SPOCK1: variants seen among roughly 807,000 people sequenced by gnomAD.
SPOCK1 encodes the protein testican-1.
Under a neutral mutation model 55.3 loss-of-function variants are expected in SPOCK1, and 23 were observed. That is an observed-to-expected ratio of 0.42 (90% CI 0.30 to 0.59). The LOEUF (loss-of-function observed/expected upper bound fraction) is 0.59. SPOCK1 is among the 20% of genes least tolerant of loss of function. SPOCK1 has a pLI of 0.22. For synonymous variants in SPOCK1, 226 were observed against 221.0 expected, an observed-to-expected ratio of 1.02 and a Z score of -0.20; for missense variants, 499 against 552.5, an observed-to-expected ratio of 0.90 and a Z score of 0.97.
chr5:137,463,531 G>A (rs1332634263), intron 2 of SPOCK1, among the ~76,000 whole-genome samples: 1 of 151,530 alleles, frequency 6.6e-6, no homozygotes, highest in African/African-American at 2.4e-5. Flanking sequence ...GGTAGTGGGG[G>A]GGTGTTGGGA....
intron 3 of SPOCK1, among the ~76,000 whole-genome samples, chr5:137,231,920 A>G (rs987939877): frequency 6.6e-6 from 1 of 152,228 alleles, no homozygotes; most frequent in South Asian, 2.1e-4. Flanking sequence ...GTCTAGTGAT[A>G]TCCCACTGTT....
At chr5:137,099,691 C>A (rs771460621) in intron 5 of SPOCK1, among the ~76,000 whole-genome samples, 5 of 151,166 alleles carry the variant, frequency 3.3e-5, no homozygotes, top group Non-Finnish European at 7.4e-5. Flanking sequence ...TATCTCCCAC[C>A]CTTTAACTCA....
At chr5:137,289,875 C>A (rs1337961743) in intron 2 of SPOCK1, among the ~76,000 whole-genome samples, 1 of 152,142 alleles carries the variant, frequency 6.6e-6, no homozygotes, top group Non-Finnish European at 1.5e-5. Context: ...TGAATAGGCA[C>A]TTTACAAAAT....
intron 2 of SPOCK1, among the ~76,000 whole-genome samples, chr5:137,318,046 A>G (rs1757913509): frequency 6.6e-6 from 1 of 152,202 alleles, no homozygotes; most frequent in Non-Finnish European, 1.5e-5. Flanking sequence ...CACAAGCACA[A>G]ATGAATTCAC....
intron 2 of SPOCK1, among the ~76,000 whole-genome samples, chr5:137,360,403 G>C (rs1750915583): frequency 6.6e-6 from 1 of 152,166 alleles, no homozygotes; most frequent in Non-Finnish European, 1.5e-5. Flanking sequence ...GTCGCCAGAA[G>C]GCAGACAGGA....
chr5:137,205,539 A>C (rs1335145132), intron 3 of SPOCK1, among the ~76,000 whole-genome samples: 2 of 152,208 alleles, frequency 1.3e-5, no homozygotes, highest in Admixed American at 1.3e-4. Flanking sequence ...GTCGGGTGGC[A>C]GGAAAGGAGA....
intron 6 of SPOCK1, among the ~76,000 whole-genome samples, chr5:137,025,444 C>G (rs564266003): frequency 6.6e-6 from 1 of 152,284 alleles, no homozygotes; most frequent in South Asian, 2.1e-4. Flanking sequence ...CATATCACTC[C>G]CTTCTAATAA....
chr5:137,091,539 TA>T (rs1753055328), intron 5 of SPOCK1, among the ~76,000 whole-genome samples: 1 of 152,142 alleles, frequency 6.6e-6, no homozygotes, highest in African/African-American at 2.4e-5. Flanking sequence ...TAAGGACAAA[TA>T]AAAATAACAG....
At chr5:137,421,844 T>TCAA (rs750652999) in intron 2 of SPOCK1, among the ~76,000 whole-genome samples, 57 of 152,332 alleles carry the variant, frequency 3.7e-4, no homozygotes, top group Non-Finnish European at 7.1e-4. Context: ...GTCGTTATGA[T>TCAA]GTTAGCTGGT....
At chr5:137,437,331 A>G (rs1402615954) in intron 2 of SPOCK1, among the ~76,000 whole-genome samples, 1 of 152,232 alleles carries the variant, frequency 6.6e-6, no homozygotes, top group Non-Finnish European at 1.5e-5. Context: ...GTAGAGGAGC[A>G]CAGAGGAAAC....
chr5:137,172,275 C>A (rs1263280273), intron 3 of SPOCK1, among the ~76,000 whole-genome samples: 1 of 152,176 alleles, frequency 6.6e-6, no homozygotes, highest in Non-Finnish European at 1.5e-5. Context: ...AACGCCAGTA[C>A]TTTCCTGAGC....
intron 2 of SPOCK1, among the ~76,000 whole-genome samples, chr5:137,372,133 G>A (rs1751214453): frequency 6.6e-6 from 1 of 152,170 alleles, no homozygotes; most frequent in Non-Finnish European, 1.5e-5. Context: ...GTCCCACTGT[G>A]AGCTAGCCTA....
At chr5:137,485,834 C>T (rs1342566346) in intron 2 of SPOCK1, among the ~76,000 whole-genome samples, 1 of 152,128 alleles carries the variant, frequency 6.6e-6, no homozygotes, top group Non-Finnish European at 1.5e-5. Context: ...GCAAAACACA[C>T]CTATGGTGTT....
At chr5:137,213,304 C>A (rs1388130693) in intron 3 of SPOCK1, among the ~76,000 whole-genome samples, 3 of 152,178 alleles carry the variant, frequency 2.0e-5, no homozygotes, top group Admixed American at 1.3e-4. Flanking sequence ...CCCGAGGTCA[C>A]ATAACAAGTA....
chr5:137,317,490 G>A (rs1274982665), intron 2 of SPOCK1, among the ~76,000 whole-genome samples: 4 of 152,184 alleles, frequency 2.6e-5, no homozygotes, highest in African/African-American at 9.7e-5. Flanking sequence ...TTTCAGGAAT[G>A]GATGGAGGGA....
intron 6 of SPOCK1, among the ~76,000 whole-genome samples, chr5:137,037,993 C>A (rs1414776306): frequency 2.6e-5 from 4 of 152,312 alleles, no homozygotes; most frequent in African/African-American, 9.6e-5. Context: ...TAGGGAACAA[C>A]AACAGACCTT....
At chr5:137,360,543 T>C (rs1416912740) in intron 2 of SPOCK1, among the ~76,000 whole-genome samples, 1 of 152,238 alleles carries the variant, frequency 6.6e-6, no homozygotes, top group Non-Finnish European at 1.5e-5. Flanking sequence ...ATTTCAGGAA[T>C]AAGTCCAGCA....
chr5:136,988,596 T>C lies in SPOCK1; in HGVS notation c.754A>G (p.Met252Val), dbSNP rs376099963. Residue 252 changes from methionine to valine, a missense_variant, in exon 8 of 11, where the codon ATG becomes GTG. Physicochemically the swap from Met to Val is conservative, Grantham distance 21. Transcript: ENST00000394945. ...TAGTTCATGTCCAACTTGTTGAACA[T>C]CCAGCCCAGGGAGTCCTTGCAGATG... is the stretch of plus-strand genomic sequence containing the variant. ...LPICKDSLGW[M>V]FNKLDMNYDL... The C allele has an allele frequency of 2.5e-6, 4 of 1,613,938 alleles. No individual in the cohort carries two copies. The African/African-American group carries it at 5.3e-5, about 22-fold the overall frequency.
intron 2 of SPOCK1, among the ~76,000 whole-genome samples, chr5:137,438,466 C>T (rs973931101): frequency 6.6e-6 from 1 of 152,162 alleles, no homozygotes. Context: ...CCTAAATAAC[C>T]CAAAGGAGAA....
Sources: allele counts gnomAD v4.1 joint callset (sites outside exome capture counted in the v4.1 genomes callset), GRCh38; gene constraint gnomAD v4.1.1; transcripts MANE v1.5; gene names NCBI Gene and HGNC (gene_info 2026-07-23, HGNC 2026-07-21).